SGO2: variants seen among roughly 807,000 people sequenced by gnomAD.
SGO2 encodes shugoshin 2, also known as shugoshin-like 2.
A neutral mutation model predicts 99.5 loss-of-function variants in SGO2; 68 were observed. The ratio of observed to expected loss-of-function variants is 0.68; its 90% CI spans 0.56 to 0.84. The LOEUF is 0.84. SGO2 is among the 40% of genes least tolerant of loss of function. The probability of loss-of-function intolerance (pLI) is 0.00; values close to 1 mark genes in which losing one functional copy is unlikely to be tolerated. For synonymous variants in SGO2, 457 were observed against 487.1 expected (o/e 0.94, Z 0.81); for missense variants, 1,350 against 1,436.7 (o/e 0.94, Z 0.97).
chr2:200,552,333 C>T (rs528012264), intron 5 of SGO2, among the ~76,000 whole-genome samples: 1 of 152,272 alleles, frequency 6.6e-6, no homozygotes, highest in African/African-American at 2.4e-5. Context: ...CAGTGCTCAG[C>T]TTTATTTTAT....
chr2:200,566,481 A>G (rs920720315), intron 5 of SGO2, among the ~76,000 whole-genome samples: 12 of 152,230 alleles, frequency 7.9e-5, no homozygotes, highest in African/African-American at 2.9e-4. Flanking sequence ...GTCGGTCCCT[A>G]CTGGGAGGTG....
In SGO2 at chr2:200,571,155, T is replaced by A. The variant is rs780351237; in HGVS notation, c.809T>A (p.Val270Glu). The A allele has an allele frequency of 6.8e-6, 11 of 1,613,536 alleles. No individual in the cohort carries two copies. In the African/African-American group the frequency reaches 9.3e-5, roughly 14 times the overall value. ...RRWEKPSPSN[V>E]TERKKRGSSW... ...TGGGAGAAACCATCTCCTAGTAATG[T>A]GACTGAAAGGAAGAAGCGTGGGTCA... is the stretch of plus-strand genomic sequence containing the variant. Residue 270 changes from valine (V) to glutamate (E), a missense_variant, in exon 7 of 9, where the codon GTG becomes GAG. Transcript: ENST00000357799.
intron 4 of SGO2, among the ~76,000 whole-genome samples, chr2:200,541,832 A>G (rs1010490583): frequency 6.6e-6 from 1 of 152,124 alleles, no homozygotes; most frequent in Non-Finnish European, 1.5e-5. Flanking sequence ...TTTGTCAAAA[A>G]TTAATTGACC....
chr2:200,568,988 T>G (rs1559214003), intron 5 of SGO2, among the ~76,000 whole-genome samples: 1 of 152,078 alleles, frequency 6.6e-6, no homozygotes, highest in Non-Finnish European at 1.5e-5. Context: ...GCCTTTAAAT[T>G]TCTCATAAAT....
chr2:200,562,697 T>C (rs2106334439), intron 5 of SGO2, among the ~76,000 whole-genome samples: 1 of 152,348 alleles, frequency 6.6e-6, no homozygotes, highest in African/African-American at 2.4e-5. Flanking sequence ...GAGCATGGAA[T>C]GTTCTTCCAT....
At chr2:200,568,790 T>C (rs2033287697) in intron 5 of SGO2, among the ~76,000 whole-genome samples, 1 of 152,218 alleles carries the variant, frequency 6.6e-6, no homozygotes, top group African/African-American at 2.4e-5. Flanking sequence ...TTTTTGTCCA[T>C]TCACTGACTT....
intron 1 of SGO2, among the ~76,000 whole-genome samples, chr2:200,527,853 C>G (rs544914181): frequency 5.3e-5 from 8 of 152,158 alleles, no homozygotes; most frequent in African/African-American, 1.9e-4. Flanking sequence ...GATAAGTTAA[C>G]GGAGAAAAAT....
intron 4 of SGO2, among the ~76,000 whole-genome samples, chr2:200,537,085 A>G (rs997175594): frequency 6.6e-6 from 1 of 151,944 alleles, no homozygotes; most frequent in Non-Finnish European, 1.5e-5. Context: ...GATTATGTGG[A>G]GTGATTCCTC....
At chr2:200,582,084 A>G (rs948792359) in intron 8 of SGO2, among the ~76,000 whole-genome samples, 14 of 152,190 alleles carry the variant, frequency 9.2e-5, no homozygotes, top group Admixed American at 3.3e-4. Context: ...AACTTGAAAC[A>G]TGATGTATTA....
At chr2:200,536,913 C>T (rs2106308338) in intron 4 of SGO2, among the ~76,000 whole-genome samples, 1 of 152,214 alleles carries the variant, frequency 6.6e-6, no homozygotes, top group Admixed American at 6.5e-5. Flanking sequence ...TCTGTCTTCT[C>T]CTTGTACCTC....
chr2:200,543,617 A>C (rs895473957), intron 5 of SGO2: 2 of 152,286 alleles, frequency 1.3e-5, no homozygotes, highest in Non-Finnish European at 2.9e-5. Flanking sequence ...AAAAATTCTC[A>C]TATTTACTGT....
At chr2:200,530,204 A>G (rs1470646550) in intron 1 of SGO2, among the ~76,000 whole-genome samples, 3 of 152,202 alleles carry the variant, frequency 2.0e-5, no homozygotes, top group Non-Finnish European at 2.9e-5. Flanking sequence ...TAGGGAGTCA[A>G]AGCCTGTTGC....
intron 5 of SGO2, among the ~76,000 whole-genome samples, chr2:200,562,587 T>C (rs983949333): frequency 2.6e-5 from 4 of 152,238 alleles, no homozygotes; most frequent in African/African-American, 9.6e-5. Context: ...TTTCCAATTC[T>C]GTGAAGGAAG....
intron 5 of SGO2, among the ~76,000 whole-genome samples, chr2:200,565,997 G>A (rs987696514): frequency 3.3e-5 from 5 of 152,130 alleles, no homozygotes; most frequent in East Asian, 1.9e-4. Flanking sequence ...GCTTCTTTGC[G>A]ATGGGTTTGA....
chr2:200,528,021 A>C (rs1036127214), intron 1 of SGO2, among the ~76,000 whole-genome samples: 1 of 152,324 alleles, frequency 6.6e-6, no homozygotes, highest in Middle Eastern at 3.4e-3. Context: ...AGAAGGAATA[A>C]AAGTTTCTGC....
At chr2:200,527,663 A>G (rs2106296513) in intron 1 of SGO2, among the ~76,000 whole-genome samples, 1 of 152,328 alleles carries the variant, frequency 6.6e-6, no homozygotes, top group East Asian at 1.9e-4. Flanking sequence ...AAGTTCTTCC[A>G]TTCATTCATA....
In SGO2 at chr2:200,572,482, T is replaced by G. The variant is rs184893825; in HGVS notation, c.2136T>G (p.Leu712=). Residue 712 remains leucine (L), a synonymous_variant, in exon 7 of 9, where the codon CTT becomes CTG. Transcript: ENST00000357799. ...ATGAATCAAAAGTTAATAAGAAGCTTAGGCAGAAAGTAAATCGGAAGACAG... is the reference window on the plus strand; with the variant it reads ...ATGAATCAAAAGTTAATAAGAAGCTGAGGCAGAAAGTAAATCGGAAGACAG... ...QQNESKVNKK[L]RQKVNRKTEI... 1.5e-5 allele frequency: 25 copies of G among 1,613,054 alleles called. No homozygotes were observed. In the East Asian group the frequency reaches 4.9e-4, roughly 32 times the overall value.
intron 5 of SGO2, among the ~76,000 whole-genome samples, chr2:200,563,474 G>C (rs998589886): frequency 1.3e-5 from 2 of 152,160 alleles, no homozygotes; most frequent in Admixed American, 1.3e-4. Flanking sequence ...ATTTTATTAA[G>C]GATTCTTGCA....
intron 5 of SGO2, among the ~76,000 whole-genome samples, chr2:200,561,435 G>A (rs2032961827): frequency 6.6e-6 from 1 of 152,164 alleles, no homozygotes; most frequent in Non-Finnish European, 1.5e-5. Flanking sequence ...TCTTAACCCA[G>A]TCTATCATTG....
Sources: allele counts gnomAD v4.1 joint callset (sites outside exome capture counted in the v4.1 genomes callset), GRCh38; gene constraint gnomAD v4.1.1; transcripts MANE v1.5; gene names NCBI Gene and HGNC (gene_info 2026-07-23, HGNC 2026-07-21).